THSD7B: variants seen among roughly 807,000 people sequenced by gnomAD.
The protein encoded by THSD7B is thrombospondin type 1 domain containing 7B, also known as thrombospondin type-1 domain-containing protein 7B.
Under a neutral mutation model 213.6 loss-of-function variants are expected in THSD7B, and 138 were observed. The observed-to-expected ratio is 0.65, with a 90% CI of 0.56 to 0.74. The LOEUF (loss-of-function observed/expected upper bound fraction) is 0.74, where lower values mean the gene tolerates loss of function less well. THSD7B is among the 30% of genes least tolerant of loss of function. The pLI, the probability that THSD7B is intolerant of heterozygous loss-of-function variation, is 0.00. For missense variants in THSD7B, 1,931 were observed against 1,991.5 expected (o/e 0.97, Z 0.58); for synonymous variants, 742 against 687.0 (o/e 1.08, Z -1.25).
At chr2:137,164,684 A>G (rs1318186128) in intron 6 of THSD7B, among the ~76,000 whole-genome samples, 2 of 152,190 alleles carry the variant, frequency 1.3e-5, no homozygotes, top group Non-Finnish European at 2.9e-5. Flanking sequence ...TATACACCAT[A>G]GAATACTATG....
chr2:137,414,578 C>T (rs1686750451), intron 14 of THSD7B, among the ~76,000 whole-genome samples: 2 of 151,808 alleles, frequency 1.3e-5, no homozygotes, highest in African/African-American at 2.4e-5. Flanking sequence ...ATTAGCCAGG[C>T]ATGGTAGCAT....
At chr2:136,877,615 T>C (rs967120947) in intron 1 of THSD7B, among the ~76,000 whole-genome samples, 4 of 152,202 alleles carry the variant, frequency 2.6e-5, no homozygotes, top group East Asian at 3.8e-4. Context: ...ACTTCATTGC[T>C]TGACTCCTTG....
At chr2:137,435,058 T>G (rs999023120) in intron 14 of THSD7B, among the ~76,000 whole-genome samples, 1 of 152,184 alleles carries the variant, frequency 6.6e-6, no homozygotes, top group African/African-American at 2.4e-5. Context: ...GAAAAAAATA[T>G]ATTAATACCA....
At chr2:137,511,515 A>G (rs1261605198) in intron 15 of THSD7B, among the ~76,000 whole-genome samples, 1 of 152,206 alleles carries the variant, frequency 6.6e-6, no homozygotes, top group East Asian at 1.9e-4. Flanking sequence ...CGTAAGTGGA[A>G]AATCTGCTGC....
At chr2:136,909,472 T>C (rs942055853) in intron 2 of THSD7B, among the ~76,000 whole-genome samples, 13 of 152,216 alleles carry the variant, frequency 8.5e-5, no homozygotes, top group African/African-American at 3.1e-4. Flanking sequence ...CTTATACATC[T>C]TTGTGCAATA....
intron 22 of THSD7B, among the ~76,000 whole-genome samples, chr2:137,656,042 G>C (rs907269774): frequency 6.6e-6 from 1 of 152,140 alleles, no homozygotes; most frequent in African/African-American, 2.4e-5. Flanking sequence ...TGAATTCTGG[G>C]TGATGGCATG....
chr2:137,049,109 A>G (rs1225139092), intron 2 of THSD7B, among the ~76,000 whole-genome samples: 1 of 152,244 alleles, frequency 6.6e-6, no homozygotes, highest in African/African-American at 2.4e-5. Context: ...TATTTATGGG[A>G]TGAAAACATT....
intron 2 of THSD7B, among the ~76,000 whole-genome samples, chr2:136,902,934 A>G (rs1413755843): frequency 6.6e-6 from 1 of 152,186 alleles, no homozygotes; most frequent in East Asian, 1.9e-4. Flanking sequence ...CAGTGTTACA[A>G]GCTGGTCCAG....
intron 20 of THSD7B, among the ~76,000 whole-genome samples, chr2:137,621,247 A>G (rs552798707): frequency 5.3e-5 from 8 of 152,298 alleles, no homozygotes; most frequent in African/African-American, 1.9e-4. Context: ...TGGAGGTTTT[A>G]TGAACTGGGT....
rs942871294 is a variant in THSD7B at position 137,676,746 on chromosome 2, T to C, written c.*141T>C. 3 of 648,996 alleles carry C rather than the reference T, an allele frequency of 4.6e-6. No homozygotes were observed. The highest frequency in any genetic ancestry group is 2.4e-6 in the Non-Finnish European group (1 of 425,388). The allele number at this position is 648,996 out of a possible 1,614,324, so 40.2% of individuals were successfully genotyped here. A position where few individuals can be genotyped will look rare whatever the true frequency, so the allele number is the denominator to read the frequency against. ...CAAATATTGCAAAAGTAATATTGCC[T>C]CAACTTCATTTGGACATGGAGTCAA... On this transcript the variant is annotated 3_prime_UTR_variant, in exon 28 of 28. Transcript: ENST00000409968.
At chr2:137,655,796 T>A in intron 22 of THSD7B, 136 bp downstream of exon 22, 1 of 1,184,114 alleles carries the variant, frequency 8.4e-7, no homozygotes. Context: ...ATTGTGGTTA[T>A]CACTTTGGTA....
intron 6 of THSD7B, among the ~76,000 whole-genome samples, chr2:137,167,649 C>A (rs1394277012): frequency 6.6e-6 from 1 of 152,186 alleles, no homozygotes; most frequent in African/African-American, 2.4e-5. Flanking sequence ...CCCCAACCCA[C>A]TGCCCATTCT....
chr2:137,170,069 T>G (rs1680214826), intron 6 of THSD7B, among the ~76,000 whole-genome samples: 1 of 152,180 alleles, frequency 6.6e-6, no homozygotes, highest in African/African-American at 2.4e-5. Flanking sequence ...TTTGCATTTG[T>G]GACTCTCTGG....
intron 2 of THSD7B, among the ~76,000 whole-genome samples, chr2:136,910,857 A>G (rs980606653): frequency 6.6e-6 from 1 of 152,084 alleles, no homozygotes; most frequent in Non-Finnish European, 1.5e-5. Context: ...TAAATGATAT[A>G]AATTTTGCTA....
At chr2:136,953,777 T>G (rs1350105199) in intron 2 of THSD7B, among the ~76,000 whole-genome samples, 1 of 152,202 alleles carries the variant, frequency 6.6e-6, no homozygotes, top group Admixed American at 6.5e-5. Flanking sequence ...TCCTAATCCT[T>G]AAATAGCTTT....
intron 12 of THSD7B, among the ~76,000 whole-genome samples, chr2:137,300,485 A>G (rs1486862950): frequency 6.6e-6 from 1 of 152,106 alleles, no homozygotes; most frequent in Non-Finnish European, 1.5e-5. Context: ...TTGTGTGTGC[A>G]TGTGTATATG....
chr2:136,958,796 G>A (rs1258183357), intron 2 of THSD7B, among the ~76,000 whole-genome samples: 1 of 152,196 alleles, frequency 6.6e-6, no homozygotes, highest in East Asian at 1.9e-4. Flanking sequence ...CCATTGGACA[G>A]CTCATGAGAC....
At chr2:137,453,522 G>C (rs539213929) in intron 15 of THSD7B, among the ~76,000 whole-genome samples, 27 of 151,670 alleles carry the variant, frequency 1.8e-4, no homozygotes, top group Non-Finnish European at 1.8e-4. Context: ...GTAGAGACAG[G>C]GTTTCACTGT....
rs559514591 is a variant in THSD7B at position 136,785,303 on chromosome 2, T to C, written c.-36+19616T>C. On this transcript the variant is annotated intron_variant, in intron 1 of 27. Coordinates refer to ENST00000409968, the MANE Select transcript of THSD7B (RefSeq NM_001316349.2). ...CTCTGTCAAAACCTTGCCCTTCTTGTCACTAGGATGATGTTTGGCTGTTCC... is the reference window on the plus strand; with the variant it reads ...CTCTGTCAAAACCTTGCCCTTCTTGCCACTAGGATGATGTTTGGCTGTTCC... 7.9e-5 allele frequency among the ~76,000 whole-genome samples: 12 copies of C among 152,252 alleles called. 2 individuals carry two copies. In the South Asian group the frequency reaches 2.5e-3, roughly 32 times the overall value.
Sources: allele counts gnomAD v4.1 joint callset (sites outside exome capture counted in the v4.1 genomes callset), GRCh38; gene constraint gnomAD v4.1.1; transcripts MANE v1.5; gene names NCBI Gene and HGNC (gene_info 2026-07-23, HGNC 2026-07-21).